CAMK2D: variants seen among roughly 807,000 people sequenced by gnomAD.
CAMK2D encodes the protein calcium/calmodulin dependent protein kinase II delta.
CAMK2D carries 37 observed loss-of-function variants against 84.0 expected under a neutral mutation model. The ratio of observed to expected loss-of-function variants is 0.44; its 90% CI spans 0.34 to 0.58. CAMK2D has a LOEUF of 0.58. CAMK2D is among the 20% of genes least tolerant of loss of function. The pLI, the probability that CAMK2D is intolerant of heterozygous loss-of-function variation, is 0.02. For missense variants in CAMK2D, 448 were observed against 652.5 expected (o/e 0.69, Z 3.41); for synonymous variants, 202 against 212.5 (o/e 0.95, Z 0.43).
intron 2 of CAMK2D, among the ~76,000 whole-genome samples, chr4:113,687,077 G>A (rs550880191): frequency 6.6e-6 from 1 of 152,264 alleles, no homozygotes; most frequent in East Asian, 1.9e-4. Flanking sequence ...AACCAGCCAT[G>A]AGCACATGCA....
At chr4:113,674,432 T>A (rs1020021186) in intron 2 of CAMK2D, among the ~76,000 whole-genome samples, 1 of 152,176 alleles carries the variant, frequency 6.6e-6, no homozygotes, top group Non-Finnish European at 1.5e-5. Context: ...TTTGGCATTG[T>A]CATAGCATTA....
chr4:113,493,353 C>G (rs957109982), intron 16 of CAMK2D, among the ~76,000 whole-genome samples: 1 of 151,328 alleles, frequency 6.6e-6, no homozygotes, highest in Non-Finnish European at 1.5e-5. Context: ...GACAAAATCT[C>G]TCAGCATTTG....
chr4:113,541,141 C>T (rs2098527391), intron 6 of CAMK2D, among the ~76,000 whole-genome samples: 1 of 152,144 alleles, frequency 6.6e-6, no homozygotes, highest in Non-Finnish European at 1.5e-5. Context: ...AGTACATAGG[C>T]AGGTTGATGG....
chr4:113,745,479 A>G (rs1482440216), intron 2 of CAMK2D, among the ~76,000 whole-genome samples: 1 of 152,144 alleles, frequency 6.6e-6, no homozygotes, highest in Non-Finnish European at 1.5e-5. Flanking sequence ...TCATCAAACC[A>G]GTTTGTAAGT....
rs545112327 is a variant in CAMK2D at position 113,717,785 on chromosome 4, A to C, written c.160+41535T>G. Among the ~76,000 whole-genome samples, 11 of 152,184 alleles carry C rather than the reference A, an allele frequency of 7.2e-5. 2 individuals carry two copies. The highest frequency in any genetic ancestry group is 2.4e-4 in the African/African-American group (10 of 41,576). ...AGTTAAATAATTAAACCTTAAAGCTATACTTACAGAATTATATTAATATAA... is the reference window on the plus strand; with the variant it reads ...AGTTAAATAATTAAACCTTAAAGCTCTACTTACAGAATTATATTAATATAA... On this transcript the variant is annotated intron_variant, in intron 2 of 20. Coordinates refer to ENST00000511664, the MANE Select transcript of CAMK2D (RefSeq NM_001321571.2).
At chr4:113,583,066 G>A (rs1483908957) in intron 4 of CAMK2D, among the ~76,000 whole-genome samples, 5 of 152,188 alleles carry the variant, frequency 3.3e-5, no homozygotes, top group Non-Finnish European at 7.3e-5. Context: ...CCTAAAACAG[G>A]TCTCATCTTT....
At chr4:113,633,596 G>T (rs1443225209) in intron 3 of CAMK2D, among the ~76,000 whole-genome samples, 1 of 152,114 alleles carries the variant, frequency 6.6e-6, no homozygotes, top group Non-Finnish European at 1.5e-5. Flanking sequence ...AGTATATTTA[G>T]TCATTGCTAC....
chr4:113,604,819 C>T (rs548086633), intron 4 of CAMK2D, among the ~76,000 whole-genome samples: 1 of 152,108 alleles, frequency 6.6e-6, no homozygotes, highest in Admixed American at 6.6e-5. Flanking sequence ...CTGTGTGATT[C>T]TCATCATGCC....
At chr4:113,649,473 C>A (rs1180182792) in intron 3 of CAMK2D, among the ~76,000 whole-genome samples, 2 of 152,036 alleles carry the variant, frequency 1.3e-5, no homozygotes, top group Non-Finnish European at 2.9e-5. Context: ...TCTATTTTTT[C>A]TTTTGTGGGC....
chr4:113,669,660 G>C (rs1344822576), intron 2 of CAMK2D, among the ~76,000 whole-genome samples: 1 of 152,120 alleles, frequency 6.6e-6, no homozygotes, highest in Non-Finnish European at 1.5e-5. Context: ...GAGTGCCTCT[G>C]TCTGTCTGTC....
intron 6 of CAMK2D, among the ~76,000 whole-genome samples, chr4:113,543,629 C>G (rs987704507): frequency 3.3e-5 from 5 of 151,932 alleles, no homozygotes; most frequent in South Asian, 2.1e-4. Flanking sequence ...TAAAATGATG[C>G]CTTCGTGGTT....
chr4:113,759,284 C>A, intron 2 of CAMK2D, 36 bp downstream of exon 2: 3 of 1,318,910 alleles, frequency 2.3e-6, no homozygotes, highest in South Asian at 1.3e-5. Context: ...ATGACAAATA[C>A]AAAATTAACC....
chr4:113,747,828 C>T (rs2099608059), intron 2 of CAMK2D, among the ~76,000 whole-genome samples: 1 of 152,054 alleles, frequency 6.6e-6, no homozygotes, highest in African/African-American at 2.4e-5. Context: ...CAGCTCTTGC[C>T]ATACTTAATG....
chr4:113,636,193 C>T (rs1443925082), intron 3 of CAMK2D, among the ~76,000 whole-genome samples: 2 of 152,188 alleles, frequency 1.3e-5, no homozygotes, highest in African/African-American at 4.8e-5. Context: ...TGAGACAACT[C>T]TATCCTCACA....
intron 4 of CAMK2D, among the ~76,000 whole-genome samples, chr4:113,603,773 T>TTTTA (rs1447833124): frequency 2.3e-5 from 3 of 127,994 alleles, no homozygotes; most frequent in African/African-American, 3.3e-5. Context: ...TCTTGCTATT[T>TTTTA]TATATATATA....
chr4:113,659,190 A>AT (rs2099216513), intron 3 of CAMK2D, among the ~76,000 whole-genome samples: 1 of 152,238 alleles, frequency 6.6e-6, no homozygotes, highest in Non-Finnish European at 1.5e-5. Flanking sequence ...ATTGAGTTTC[A>AT]TAGGAGGACC....
chr4:113,734,844 G>A (rs1354776800), intron 2 of CAMK2D, among the ~76,000 whole-genome samples: 1 of 148,892 alleles, frequency 6.7e-6, no homozygotes, highest in Non-Finnish European at 1.5e-5. Flanking sequence ...ATCTTCTAAA[G>A]TGTCTCAAAA....
At position 113,676,698 on chromosome 4, in the gene CAMK2D, T is replaced by C. The variant is rs147330392; in HGVS notation, c.161-14926A>G. ...GGAACACTGAAAGGTCCTCTCCCTA[T>C]ACCAGAAGGAAAGCAACATTCTTAT... is the stretch of plus-strand genomic sequence containing the variant. On this transcript the variant is annotated intron_variant, in intron 2 of 20. Transcript: ENST00000511664. Among the ~76,000 whole-genome samples, 8 of 152,326 alleles carry C rather than the reference T, an allele frequency of 5.3e-5. No individual in the cohort carries two copies. In the East Asian group the frequency reaches 1.4e-3, roughly 26 times the overall value.
intron 4 of CAMK2D, among the ~76,000 whole-genome samples, chr4:113,583,636 G>A (rs1461612784): frequency 6.6e-6 from 1 of 152,100 alleles, no homozygotes. Context: ...GCTGATAATT[G>A]CTGTTTAAAG....
Sources: gnomAD v4.1 joint callset for allele counts (sites outside exome capture counted in the v4.1 genomes callset) on GRCh38, gnomAD v4.1.1 for gene constraint, MANE v1.5 for transcripts, NCBI Gene and HGNC (gene_info 2026-07-23, HGNC 2026-07-21) for gene names.